The following AKAP6 variants were observed in gnomAD, a reference collection of about 807,000 sequenced individuals.
AKAP6 encodes A-kinase anchoring protein 6, also known as A-kinase anchor protein 6.
In AKAP6, 58 loss-of-function variants were observed where a neutral mutation model predicts 188.5. The observed-to-expected ratio is 0.31, with a 90% CI of 0.25 to 0.38. The LOEUF (loss-of-function observed/expected upper bound fraction) is 0.38, where lower values mean the gene tolerates loss of function less well. Among genes scored for constraint, AKAP6 ranks in the 10% least tolerant of loss-of-function variants. The pLI is 1.00. For missense variants in AKAP6, 2,710 were observed against 2,740.0 expected, an observed-to-expected ratio of 0.99 and a Z score of 0.24; for synonymous variants, 989 against 998.6, an observed-to-expected ratio of 0.99 and a Z score of 0.18.
intron 1 of AKAP6, among the ~76,000 whole-genome samples, chr14:32,339,072 A>C (rs1013921224): frequency 5.9e-5 from 9 of 152,182 alleles, no homozygotes; most frequent in Admixed American, 3.9e-4. Flanking sequence ...CACCTTCTGC[A>C]AACTAAACAT....
chr14:32,706,203 A>G (rs1468666173), intron 9 of AKAP6, among the ~76,000 whole-genome samples: 1 of 152,152 alleles, frequency 6.6e-6, no homozygotes, highest in Non-Finnish European at 1.5e-5. Flanking sequence ...AGATTCTTGC[A>G]AGAACGTTAT....
intron 2 of AKAP6, among the ~76,000 whole-genome samples, chr14:32,475,528 C>T (rs1204171167): frequency 6.6e-6 from 1 of 152,134 alleles, no homozygotes; most frequent in African/African-American, 2.4e-5. Context: ...AGCAAAGCTT[C>T]CAAAAAGGCA....
At chr14:32,759,815 G>A (rs925319077) in intron 11 of AKAP6, among the ~76,000 whole-genome samples, 2 of 152,038 alleles carry the variant, frequency 1.3e-5, no homozygotes, top group Non-Finnish European at 2.9e-5. Context: ...GCACCAAATC[G>A]TGAGGGATCT....
chr14:32,771,573 C>T (rs1052314258), intron 11 of AKAP6, among the ~76,000 whole-genome samples: 1 of 152,002 alleles, frequency 6.6e-6, no homozygotes, highest in Non-Finnish European at 1.5e-5. Flanking sequence ...CTCAGATGTC[C>T]TGTTTCAGAA....
At chr14:32,597,323 C>G (rs1885746124) in intron 5 of AKAP6, among the ~76,000 whole-genome samples, 2 of 152,072 alleles carry the variant, frequency 1.3e-5, no homozygotes, top group South Asian at 4.1e-4. Context: ...CAAAGAGAGC[C>G]CTAGGCTAAA....
chr14:32,678,308 C>T lies in AKAP6; in HGVS notation c.2731-3C>T. ...AGCAATTTCTCTTTGTTTCTCTTTC[C>T]AGGCTGAGGTTCAACTATGCTACCT... is the stretch of plus-strand genomic sequence containing the variant. On this transcript the variant is annotated splice_polypyrimidine_tract_variant and splice_region_variant and intron_variant, in intron 7 of 13. Transcript: ENST00000280979. 1.2e-6 allele frequency: 2 copies of T among 1,603,588 alleles called. No homozygotes were observed. Among genetic ancestry groups the T allele is most frequent in the South Asian group, 1.1e-5 (1 of 90,080 alleles).
intron 11 of AKAP6, among the ~76,000 whole-genome samples, chr14:32,742,406 A>G (rs2031721078): frequency 6.7e-6 from 1 of 150,330 alleles, no homozygotes; most frequent in South Asian, 2.1e-4. Flanking sequence ...TCTTCTACTA[A>G]TTTTGGGTTT....
intron 2 of AKAP6, among the ~76,000 whole-genome samples, chr14:32,521,783 A>G (rs192554964): frequency 9.3e-4 from 142 of 152,360 alleles, no homozygotes; most frequent in Middle Eastern, 3.4e-3. Flanking sequence ...TATAGATTCA[A>G]TGCCATCCCC....
chr14:32,753,524 A>G (rs2032218323), intron 11 of AKAP6, among the ~76,000 whole-genome samples: 1 of 151,944 alleles, frequency 6.6e-6, no homozygotes, highest in African/African-American at 2.4e-5. Context: ...TTTTAGTTTG[A>G]TGTAATTCTA....
intron 7 of AKAP6, among the ~76,000 whole-genome samples, chr14:32,644,348 T>C (rs1233743460): frequency 6.6e-6 from 1 of 152,156 alleles, no homozygotes; most frequent in Non-Finnish European, 1.5e-5. Flanking sequence ...GCTCTCTCTC[T>C]CTACCAAGTG....
At chr14:32,827,785 G>T (rs1224594166) in intron 13 of AKAP6, among the ~76,000 whole-genome samples, 1 of 152,178 alleles carries the variant, frequency 6.6e-6, no homozygotes, top group Non-Finnish European at 1.5e-5. Flanking sequence ...GCTGTATTCT[G>T]ACAGTTATTT....
At chr14:32,466,575 G>A (rs187953225) in intron 2 of AKAP6, among the ~76,000 whole-genome samples, 4 of 151,890 alleles carry the variant, frequency 2.6e-5, no homozygotes, top group African/African-American at 9.7e-5. Context: ...GAGCCTGTTG[G>A]GGGGTGGGGG....
intron 11 of AKAP6, among the ~76,000 whole-genome samples, chr14:32,758,690 A>G (rs1430697301): frequency 6.6e-6 from 1 of 152,122 alleles, no homozygotes; most frequent in African/African-American, 2.4e-5. Flanking sequence ...CCGAGATCGC[A>G]CCATTGCACT....
chr14:32,344,998 A>C (rs1887022071), intron 1 of AKAP6, among the ~76,000 whole-genome samples: 1 of 151,942 alleles, frequency 6.6e-6, no homozygotes, highest in Non-Finnish European at 1.5e-5. Context: ...GATGAGGCTC[A>C]GAGAGGAGGC....
intron 5 of AKAP6, among the ~76,000 whole-genome samples, chr14:32,582,547 C>T (rs8018036): frequency 0.58 from 88,527 of 151,820 alleles, 26,965 homozygotes; most frequent in East Asian, 0.91. Flanking sequence ...CCTTGCTAGA[C>T]TGGGGAAGTT....
intron 7 of AKAP6, among the ~76,000 whole-genome samples, chr14:32,602,875 G>A (rs1885985856): frequency 6.6e-6 from 1 of 152,206 alleles, no homozygotes; most frequent in African/African-American, 2.4e-5. Context: ...TCACCACCTA[G>A]CATACTGCCT....
At chr14:32,338,963 GAACT>G (rs1886804322) in intron 1 of AKAP6, among the ~76,000 whole-genome samples, 1 of 152,100 alleles carries the variant, frequency 6.6e-6, no homozygotes, top group Non-Finnish European at 1.5e-5. Context: ...TTTAAGAGAA[GAACT>G]CTTTAATATA....
At chr14:32,601,512 G>A (rs6571540) in intron 7 of AKAP6, among the ~76,000 whole-genome samples, 98,735 of 152,070 alleles carry the variant, frequency 0.65, 32,726 homozygotes, top group East Asian at 0.94. Flanking sequence ...GTATCTTTGG[G>A]CTCATAATGT....
At chr14:32,518,444 T>C (rs927704216) in intron 2 of AKAP6, among the ~76,000 whole-genome samples, 2 of 151,950 alleles carry the variant, frequency 1.3e-5, no homozygotes, top group Non-Finnish European at 2.9e-5. Context: ...ATAAAAACCT[T>C]GAAAAAAGAT....
Sources: allele counts gnomAD v4.1 joint callset (sites outside exome capture counted in the v4.1 genomes callset), GRCh38; gene constraint gnomAD v4.1.1; transcripts MANE v1.5; gene names NCBI Gene and HGNC (gene_info 2026-07-23, HGNC 2026-07-21).